The following CDH9 variants were observed in gnomAD, a reference collection of about 807,000 sequenced individuals.
The protein encoded by CDH9 is cadherin-9.
Under a neutral mutation model 70.9 loss-of-function variants are expected in CDH9, and 28 were observed. The ratio of observed to expected loss-of-function variants is 0.40; its 90% confidence interval spans 0.29 to 0.54. The LOEUF is 0.54. Among genes scored for constraint, CDH9 ranks in the 20% least tolerant of loss-of-function variants. CDH9 has a pLI of 0.59. For missense variants in CDH9, 874 were observed against 984.4 expected (o/e 0.89, Z 1.50); for synonymous variants, 409 against 343.1 (o/e 1.19, Z -2.12).
In CDH9 at chr5:26,995,877, A is replaced by G. The variant is rs1482137630; in HGVS notation, c.-49-7495T>C. Among the ~76,000 whole-genome samples, 4 of 152,220 alleles carry G rather than the reference A, an allele frequency of 2.6e-5. 1 individual carries two copies. The South Asian group carries it at 6.2e-4, about 24-fold the overall frequency. On this transcript the variant is annotated intron_variant, in intron 1 of 11. Transcript: ENST00000231021. The stretch of plus-strand genomic sequence containing the variant: ...AAATGTGGCTCAACTTTGATTTTGT[A>G]ATCAGGGAACTCACTCAAATCTTGT...
intron 1 of CDH9, among the ~76,000 whole-genome samples, chr5:26,997,802 C>T (rs1054148395): frequency 2.6e-4 from 39 of 151,688 alleles, no homozygotes; most frequent in African/African-American, 8.0e-4. Context: ...TGGGTTCAAG[C>T]GATCCTCCTG....
At chr5:26,885,474 A>C in intron 11 of CDH9, 140 bp downstream of exon 11, 3 of 765,946 alleles carry the variant, frequency 3.9e-6, no homozygotes, top group Non-Finnish European at 6.2e-6. Context: ...ATTTTTTCCT[A>C]ATTGAAAGAA....
chr5:27,028,876 A>G (rs17566483), intron 1 of CDH9, among the ~76,000 whole-genome samples: 10,172 of 152,052 alleles, frequency 0.067, 545 homozygotes, highest in South Asian at 0.22. Context: ...GAGAGAGAAG[A>G]TTACTTGAAC....
Position 26,902,532 on chromosome 5 carries a change from G to A in CDH9, c.1197C>T (p.Gly399=). The part of the protein sequence containing the change: ...LIEVDEDVKE[G]SIIGQVTAYD... ...ATGCTGTAACCTGTCCAATGATACT[G>A]CCCTCCTTTACATCTTCATCTACTT... Residue 399 remains glycine, a synonymous_variant, in exon 7 of 12, where the codon GGC becomes GGT. Transcript: ENST00000231021. 1.2e-6 allele frequency: 2 copies of A among 1,600,030 alleles called. No individual in the cohort carries two copies. Among genetic ancestry groups the A allele is most frequent in the African/African-American group, 1.3e-5 (1 of 74,622 alleles).
chr5:27,007,912 T>C (rs1742894391), intron 1 of CDH9, among the ~76,000 whole-genome samples: 1 of 151,964 alleles, frequency 6.6e-6, no homozygotes, highest in South Asian at 2.1e-4. Context: ...TGAATATTAA[T>C]TTTTTTTCAG....
chr5:26,958,776 A>G (rs975046101), intron 2 of CDH9, among the ~76,000 whole-genome samples: 5 of 152,204 alleles, frequency 3.3e-5, no homozygotes, highest in Non-Finnish European at 5.9e-5. Context: ...GAAATGCTTT[A>G]TCTAATAAAA....
chr5:27,025,692 A>G (rs1486083437), intron 1 of CDH9, among the ~76,000 whole-genome samples: 1 of 152,024 alleles, frequency 6.6e-6, no homozygotes, highest in Non-Finnish European at 1.5e-5. Flanking sequence ...TCAAGATAAA[A>G]AATCACACAG....
chr5:27,009,015 A>C (rs1742913111), intron 1 of CDH9, among the ~76,000 whole-genome samples: 1 of 152,096 alleles, frequency 6.6e-6, no homozygotes, highest in African/African-American at 2.4e-5. Context: ...CCATCTTACC[A>C]CTCACTTAGA....
Position 26,963,140 on chromosome 5 carries a change from T to G in CDH9, c.228+24966A>C, listed in dbSNP as rs148892606. On this transcript the variant is annotated intron_variant, in intron 2 of 11. Coordinates refer to ENST00000231021, the MANE Select transcript of CDH9 (RefSeq NM_016279.4). ...TTAATCAGAACTTATTAAATCGCAT[T>G]AGAATTAATCACATAGAAATAACGG... 6.7e-3 allele frequency among the ~76,000 whole-genome samples: 1,028 copies of G among 152,312 alleles called. 9 individuals are homozygous for G. Among genetic ancestry groups the G allele is most frequent in the African/African-American group, 0.024 (979 of 41,564 alleles).
At chr5:27,020,489 C>T (rs1253306949) in intron 1 of CDH9, among the ~76,000 whole-genome samples, 1 of 151,364 alleles carries the variant, frequency 6.6e-6, no homozygotes, top group South Asian at 2.1e-4. Context: ...TGATAATTTG[C>T]TTTTCAGTAG....
chr5:26,951,443 T>C (rs1292637198), intron 2 of CDH9, among the ~76,000 whole-genome samples: 1 of 152,160 alleles, frequency 6.6e-6, no homozygotes, highest in African/African-American at 2.4e-5. Context: ...GTCCCCACTT[T>C]AGGGTTGCTT....
intron 1 of CDH9, among the ~76,000 whole-genome samples, chr5:27,004,947 AT>A (rs1461791714): frequency 6.6e-6 from 1 of 152,074 alleles, no homozygotes; most frequent in Non-Finnish European, 1.5e-5. Context: ...AAAAACAATA[AT>A]GCAATTTCAG....
chr5:26,990,864 A>C (rs1053031236), intron 1 of CDH9, among the ~76,000 whole-genome samples: 1 of 152,124 alleles, frequency 6.6e-6, no homozygotes, highest in Non-Finnish European at 1.5e-5. Flanking sequence ...GGTATTCTCC[A>C]TTTCCTGGGG....
At chr5:27,005,802 T>C (rs78584545) in intron 1 of CDH9, among the ~76,000 whole-genome samples, 1 of 152,132 alleles carries the variant, frequency 6.6e-6, no homozygotes, top group African/African-American at 2.4e-5. Context: ...AAAAAAAAAT[T>C]GTGGTACATA....
intron 2 of CDH9, among the ~76,000 whole-genome samples, chr5:26,977,664 T>C (rs917935386): frequency 2.6e-5 from 4 of 151,928 alleles, no homozygotes; most frequent in African/African-American, 7.3e-5. Flanking sequence ...GATTCAAGGC[T>C]GCCATATTGG....
intron 1 of CDH9, among the ~76,000 whole-genome samples, chr5:27,010,386 A>G (rs1275826966): frequency 6.6e-6 from 1 of 152,092 alleles, no homozygotes; most frequent in Non-Finnish European, 1.5e-5. Flanking sequence ...TCTATCTTTC[A>G]TCAAGGAGTG....
intron 2 of CDH9, among the ~76,000 whole-genome samples, chr5:26,981,653 A>C (rs973222852): frequency 9.2e-5 from 14 of 151,988 alleles, no homozygotes; most frequent in African/African-American, 3.4e-4. Context: ...GTGTGGAAAA[A>C]TTTTAAATTT....
chr5:26,907,052 G>T (rs970842975), intron 3 of CDH9, among the ~76,000 whole-genome samples: 1 of 151,958 alleles, frequency 6.6e-6, no homozygotes, highest in African/African-American at 2.4e-5. Flanking sequence ...CTAAGAAAAA[G>T]TATCAAAATA....
At chr5:26,928,258 T>C (rs1741380183) in intron 2 of CDH9, among the ~76,000 whole-genome samples, 1 of 151,956 alleles carries the variant, frequency 6.6e-6, no homozygotes, top group African/African-American at 2.4e-5. Flanking sequence ...TAGCTACAAG[T>C]ACTATAAAAT....
Sources: allele counts gnomAD v4.1 joint callset (sites outside exome capture counted in the v4.1 genomes callset), GRCh38; gene constraint gnomAD v4.1.1; transcripts MANE v1.5; gene names NCBI Gene and HGNC (gene_info 2026-07-23, HGNC 2026-07-21).